The following CDH12 variants were observed in gnomAD, a reference collection of about 807,000 sequenced individuals.
CDH12 encodes cadherin-12.
Under a neutral mutation model 74.1 loss-of-function variants are expected in CDH12, and 41 were observed. The ratio of observed to expected loss-of-function variants is 0.55; its 90% CI spans 0.43 to 0.72. The LOEUF is 0.72. Ranked by LOEUF, CDH12 falls within the 30% of genes least tolerant of loss-of-function variation. CDH12 has a pLI of 0.00. For synonymous variants in CDH12, 399 were observed against 355.0 expected (o/e 1.12, Z -1.39); for missense variants, 945 against 977.2 (o/e 0.97, Z 0.44).
intron 1 of CDH12, among the ~76,000 whole-genome samples, chr5:22,511,172 G>C (rs995410803): frequency 6.6e-6 from 1 of 152,094 alleles, no homozygotes; most frequent in Non-Finnish European, 1.5e-5. Flanking sequence ...TGGGATTAGA[G>C]GCGTGAGCCA....
chr5:22,057,749 A>G (rs907355079), intron 5 of CDH12, among the ~76,000 whole-genome samples: 2 of 152,154 alleles, frequency 1.3e-5, no homozygotes, highest in Non-Finnish European at 1.5e-5. Flanking sequence ...TAATCACTCA[A>G]TTACATGGAA....
intron 3 of CDH12, among the ~76,000 whole-genome samples, chr5:22,244,494 CAAAAAAAAAAAAAAAAA>C (rs869135014): frequency 4.1e-4 from 13 of 31,396 alleles, no homozygotes; most frequent in East Asian, 4.0e-3. Context: ...GACTCTGCCT[CAAAAAAAAAAAAAAAAA>C]AAAAAAAAAA....
At chr5:22,187,708 A>G (rs1750042437) in intron 4 of CDH12, among the ~76,000 whole-genome samples, 1 of 150,930 alleles carries the variant, frequency 6.6e-6, no homozygotes, top group African/African-American at 2.4e-5. Flanking sequence ...CCAGACTAGA[A>G]TCTAAGCTCT....
chr5:22,399,216 A>G (rs1208675381), intron 3 of CDH12, among the ~76,000 whole-genome samples: 7 of 151,874 alleles, frequency 4.6e-5, no homozygotes, highest in African/African-American at 1.7e-4. Flanking sequence ...CTATCTATCT[A>G]TCTATCTATC....
At position 22,171,920 on chromosome 5, in the gene CDH12, G is replaced by A. The variant is rs188184988; in HGVS notation, c.-187+40578C>T. Reference sequence around the variant, plus strand: ...CCCCTAGGGAAAATCAGTTAAGGAAGAATTGAGATATAAAGAAGGCAGGTG... The same window carrying A: ...CCCCTAGGGAAAATCAGTTAAGGAAAAATTGAGATATAAAGAAGGCAGGTG... On this transcript the variant is annotated intron_variant, in intron 4 of 14. Transcript: ENST00000382254. 4.6e-3 allele frequency among the ~76,000 whole-genome samples: 704 copies of A among 152,038 alleles called. 4 individuals are homozygous for A. The highest frequency in any genetic ancestry group is 0.016 in the African/African-American group (665 of 41,538).
chr5:22,132,615 A>G, intron 4 of CDH12, among the ~76,000 whole-genome samples: 1 of 152,000 alleles, frequency 6.6e-6, no homozygotes, highest in Non-Finnish European at 1.5e-5. Context: ...CTAATAGTCA[A>G]TTTCCAGGCC....
chr5:22,054,265 T>C (rs1417341179), intron 5 of CDH12, among the ~76,000 whole-genome samples: 1 of 152,190 alleles, frequency 6.6e-6, no homozygotes, highest in Non-Finnish European at 1.5e-5. Flanking sequence ...CCTACTCATA[T>C]TCTATAAAAG....
chr5:22,412,106 T>G (rs973397034), intron 2 of CDH12, among the ~76,000 whole-genome samples: 10 of 151,988 alleles, frequency 6.6e-5, no homozygotes, highest in Non-Finnish European at 1.3e-4. Context: ...TGTCAAATTT[T>G]GATCATCTTT....
intron 3 of CDH12, among the ~76,000 whole-genome samples, chr5:22,320,816 T>C (rs1183748347): frequency 1.3e-5 from 2 of 152,226 alleles, no homozygotes; most frequent in Non-Finnish European, 2.9e-5. Flanking sequence ...TATTTGTCAC[T>C]ATCTTCACTG....
In CDH12 at chr5:22,357,601, G is replaced by GT. The variant is rs367802227; in HGVS notation, c.-333+47655dup. On this transcript the variant is annotated intron_variant, in intron 3 of 14. Transcript: ENST00000382254. Reference sequence around the variant, plus strand: ...TTACAATAAAAAAGTGGGCACTTTTGTATTAATTTAAGTAAAACGCATTGG... The same window carrying GT: ...TTACAATAAAAAAGTGGGCACTTTTGTTATTAATTTAAGTAAAACGCATTGG... Among the ~76,000 whole-genome samples, 147 of 152,200 alleles carry GT rather than the reference G, an allele frequency of 9.7e-4. 1 individual carries two copies. The highest frequency in any genetic ancestry group is 3.1e-3 in the African/African-American group (129 of 41,550).
intron 3 of CDH12, among the ~76,000 whole-genome samples, chr5:22,254,091 T>G (rs1753226028): frequency 6.6e-6 from 1 of 151,768 alleles, no homozygotes; most frequent in South Asian, 2.1e-4. Context: ...AAATCACTGT[T>G]TTTAGGCCTG....
At chr5:21,778,618 A>C (rs1745738120) in intron 11 of CDH12, among the ~76,000 whole-genome samples, 1 of 151,794 alleles carries the variant, frequency 6.6e-6, no homozygotes, top group Admixed American at 6.6e-5. Context: ...AGTTCACTTA[A>C]ATCTAATTTC....
At chr5:22,406,395 C>T (rs991685888) in intron 2 of CDH12, among the ~76,000 whole-genome samples, 2 of 152,180 alleles carry the variant, frequency 1.3e-5, no homozygotes, top group South Asian at 2.1e-4. Context: ...ATGCAGCCTG[C>T]ATGATATTAA....
At chr5:21,796,278 A>G (rs1198946362) in intron 10 of CDH12, among the ~76,000 whole-genome samples, 4 of 152,062 alleles carry the variant, frequency 2.6e-5, no homozygotes, top group Admixed American at 2.6e-4. Context: ...AACCTGTTTG[A>G]GCAACTTACG....
rs181682247 is a variant in CDH12 at position 22,817,475 on chromosome 5, G to A, written c.-523+35583C>T. ...ATCTGTTGATTATAAAAATATAGAT[G>A]GCAAATAATTGCCAGTTAAATTTTA... On this transcript the variant is annotated intron_variant, in intron 1 of 14. Transcript: ENST00000382254. 2.1e-4 allele frequency among the ~76,000 whole-genome samples: 32 copies of A among 151,966 alleles called. No individual in the cohort carries two copies. The East Asian group carries it at 4.1e-3, about 19-fold the overall frequency.
intron 1 of CDH12, among the ~76,000 whole-genome samples, chr5:22,530,087 T>C (rs1737520966): frequency 6.6e-6 from 1 of 152,194 alleles, no homozygotes; most frequent in South Asian, 2.1e-4. Context: ...AATTGTTCGA[T>C]AGTATTAAGT....
At chr5:22,148,518 C>T (rs1185201659) in intron 4 of CDH12, among the ~76,000 whole-genome samples, 3 of 151,796 alleles carry the variant, frequency 2.0e-5, no homozygotes, top group Non-Finnish European at 1.5e-5. Context: ...CAAATTTGCA[C>T]AAACTTGGCA....
chr5:22,641,701 C>T (rs944336434), intron 1 of CDH12, among the ~76,000 whole-genome samples: 3 of 152,112 alleles, frequency 2.0e-5, no homozygotes, highest in African/African-American at 7.2e-5. Context: ...GCTCACTGAT[C>T]GTTACTTGGC....
chr5:22,362,170 CA>C (rs1740833242), intron 3 of CDH12, among the ~76,000 whole-genome samples: 1 of 152,008 alleles, frequency 6.6e-6, no homozygotes, highest in Non-Finnish European at 1.5e-5. Flanking sequence ...AAAATTTTTG[CA>C]ATCTACTCAT....
Sources: allele counts gnomAD v4.1 joint callset (sites outside exome capture counted in the v4.1 genomes callset), GRCh38; gene constraint gnomAD v4.1.1; transcripts MANE v1.5; gene names NCBI Gene and HGNC (gene_info 2026-07-23, HGNC 2026-07-21).